PBK: variants seen among roughly 807,000 people sequenced by gnomAD.
PBK encodes lymphokine-activated killer T-cell-originated protein kinase.
A neutral mutation model predicts 33.5 loss-of-function variants in PBK; 22 were observed. The observed-to-expected ratio is 0.66, with a 90% CI of 0.47 to 0.94. The LOEUF (loss-of-function observed/expected upper bound fraction) is 0.94. PBK is among the 40% of genes least tolerant of loss of function. The pLI is 0.00. For synonymous variants in PBK, 129 were observed against 123.8 expected (o/e 1.04, Z -0.28); for missense variants, 376 against 383.4 (o/e 0.98, Z 0.16).
chr8:27,821,540 G>C (rs1007141834), intron 5 of PBK, among the ~76,000 whole-genome samples: 1 of 152,120 alleles, frequency 6.6e-6, no homozygotes, highest in Non-Finnish European at 1.5e-5. Context: ...GATTACAGGC[G>C]TGAGCCACCA....
intron 1 of PBK, among the ~76,000 whole-genome samples, chr8:27,833,850 A>C (rs1240914186): frequency 1.3e-5 from 2 of 152,250 alleles, no homozygotes; most frequent in African/African-American, 4.8e-5. Context: ...CAAAAGGCAG[A>C]AACAACAGAA....
At chr8:27,815,331 A>G (rs1490594666) in intron 6 of PBK, among the ~76,000 whole-genome samples, 1 of 152,240 alleles carries the variant, frequency 6.6e-6, no homozygotes, top group African/African-American at 2.4e-5. Flanking sequence ...TGAGAACAAA[A>G]ATACCAGACT....
intron 6 of PBK, among the ~76,000 whole-genome samples, chr8:27,818,120 AG>A (rs1223569894): frequency 6.6e-6 from 1 of 152,192 alleles, no homozygotes; most frequent in Non-Finnish European, 1.5e-5. Flanking sequence ...TAAGTCCTAA[AG>A]GGAGAATGAC....
At chr8:27,827,150 T>C (rs912448045) in intron 3 of PBK, among the ~76,000 whole-genome samples, 6 of 151,984 alleles carry the variant, frequency 3.9e-5, no homozygotes, top group Non-Finnish European at 5.9e-5. Flanking sequence ...ATACGGAGGG[T>C]TGGACTAGTT....
At chr8:27,814,862 CTA>C (rs1358663069) in intron 6 of PBK, among the ~76,000 whole-genome samples, 5 of 152,144 alleles carry the variant, frequency 3.3e-5, no homozygotes, top group African/African-American at 4.8e-5. Context: ...CAAATATACT[CTA>C]TGATTCCTCC....
intron 1 of PBK, among the ~76,000 whole-genome samples, chr8:27,835,281 G>C (rs1417460433): frequency 6.6e-6 from 1 of 152,116 alleles, no homozygotes; most frequent in Non-Finnish European, 1.5e-5. Context: ...AGATTTACCT[G>C]TCCTGAGAAC....
In PBK at chr8:27,822,505, C is replaced by T. The variant is rs1563492075; in HGVS notation, c.296-17G>A. 3 of 1,539,884 alleles carry T rather than the reference C, an allele frequency of 1.9e-6. No individual in the cohort carries two copies. Among genetic ancestry groups the T allele is most frequent in the Admixed American group, 3.9e-5 (2 of 51,906 alleles). ...CACGATAACCTTAAAGAAAACATGA[C>T]ATTTCTTCACTAATATAGAGAAGAA... On this transcript the variant is annotated splice_polypyrimidine_tract_variant and intron_variant, in intron 4 of 7. Transcript: ENST00000301905.
rs1563489324 is a variant in PBK, at chr8:27,816,359, T to TATATATA, written c.595+4205_595+4206insTATATAT. On this transcript the variant is annotated intron_variant, in intron 6 of 7. Coordinates refer to ENST00000301905, the MANE Select transcript of PBK (RefSeq NM_018492.4). ...CATCGAATACTATATATATATATAT[T>TATATATA]TATTTATTTATTTATTTATTTTAAT... 1.0e-3 allele frequency among the ~76,000 whole-genome samples: 128 copies of TATATATA among 126,712 alleles called. 1 individual carries two copies. The highest frequency in any genetic ancestry group is 4.7e-3 in the East Asian group (18 of 3,832). The allele number at this position is 126,712 out of a possible 152,430, so 83.1% of individuals were successfully genotyped here.
chr8:27,834,906 A>G (rs1016273972), intron 1 of PBK, among the ~76,000 whole-genome samples: 17 of 152,202 alleles, frequency 1.1e-4, no homozygotes, highest in Non-Finnish European at 2.1e-4. Flanking sequence ...AAAAAAAAAA[A>G]AGAACGGAAG....
At chr8:27,832,885 T>G (rs1806155445) in intron 2 of PBK, among the ~76,000 whole-genome samples, 171 bp downstream of exon 2, 2 of 152,134 alleles carry the variant, frequency 1.3e-5, no homozygotes, top group Non-Finnish European at 2.9e-5. Context: ...CCAGAGATGA[T>G]CAAACCGTGG....
chr8:27,814,706 C>T lies in PBK; in HGVS notation c.596-3572G>A, dbSNP rs555882891. Among the ~76,000 whole-genome samples, 454 of 152,198 alleles carry T rather than the reference C, an allele frequency of 3.0e-3. 1 individual carries two copies. The highest frequency in any genetic ancestry group is 5.5e-3 in the Non-Finnish European group (374 of 67,978). On this transcript the variant is annotated intron_variant, in intron 6 of 7. Coordinates refer to ENST00000301905, the MANE Select transcript of PBK (RefSeq NM_018492.4). ...GCACATTTTGATATGCTGTATTTTC[C>T]TTAATTATTCAAAACATTTTCCAAT... is the stretch of plus-strand genomic sequence containing the variant.
intron 2 of PBK, 26 bp downstream of exon 2, chr8:27,833,030 A>G (rs766174752): frequency 6.3e-6 from 9 of 1,421,480 alleles, no homozygotes; most frequent in Non-Finnish European, 8.7e-6. Context: ...ATAGTAAAAA[A>G]AAAAATCTTA....
intron 1 of PBK, among the ~76,000 whole-genome samples, chr8:27,834,066 C>T (rs1266671190): frequency 3.4e-5 from 5 of 148,716 alleles, no homozygotes; most frequent in Admixed American, 6.7e-5. Flanking sequence ...CTCACTCTGT[C>T]GCCCAGGCTG....
At chr8:27,819,636 TAATA>T (rs1243636049) in intron 6 of PBK, among the ~76,000 whole-genome samples, 1 of 152,146 alleles carries the variant, frequency 6.6e-6, no homozygotes, top group East Asian at 1.9e-4. Context: ...TGGTCAATTT[TAATA>T]AATATTATGG....
chr8:27,822,958 C>G, intron 4 of PBK, 105 bp downstream of exon 4: 1 of 720,528 alleles, frequency 1.4e-6, no homozygotes. Flanking sequence ...AATATCCAGC[C>G]CCATCCTCTT....
At chr8:27,816,732 T>C (rs1034833648) in intron 6 of PBK, among the ~76,000 whole-genome samples, 5 of 152,146 alleles carry the variant, frequency 3.3e-5, no homozygotes, top group Non-Finnish European at 7.3e-5. Context: ...AAAAAAATTT[T>C]AAGATTTGGG....
chr8:27,822,276 T>C, intron 5 of PBK, 43 bp downstream of exon 5: 1 of 1,347,864 alleles, frequency 7.4e-7, no homozygotes, highest in Non-Finnish European at 1.0e-6. Flanking sequence ...ATTTAAAATA[T>C]GAACAAAAAC....
chr8:27,830,389 G>T (rs1360030743), intron 2 of PBK, among the ~76,000 whole-genome samples: 1 of 151,782 alleles, frequency 6.6e-6, no homozygotes, highest in Non-Finnish European at 1.5e-5. Context: ...TAGAGCAGAA[G>T]AATAACTAAA....
chr8:27,814,788 C>T (rs1805779176), intron 6 of PBK, among the ~76,000 whole-genome samples: 1 of 151,978 alleles, frequency 6.6e-6, no homozygotes, highest in Non-Finnish European at 1.5e-5. Flanking sequence ...ACTGAATTTC[C>T]AAATACTTGG....
Sources: allele counts gnomAD v4.1 joint callset (sites outside exome capture counted in the v4.1 genomes callset), GRCh38; gene constraint gnomAD v4.1.1; transcripts MANE v1.5; gene names NCBI Gene and HGNC (gene_info 2026-07-23, HGNC 2026-07-21).